KLF8: variants seen among roughly 807,000 people sequenced by gnomAD.
KLF8 encodes the protein KLF transcription factor 8.
KLF8 carries 10 observed loss-of-function variants against 18.2 expected under a neutral mutation model. The ratio of observed to expected loss-of-function variants is 0.55; its 90% CI spans 0.34 to 0.93. The LOEUF (loss-of-function observed/expected upper bound fraction) is 0.93. KLF8 is among the 40% of genes least tolerant of loss of function. KLF8 has a pLI of 0.02. For synonymous variants in KLF8, 109 were observed against 97.3 expected (o/e 1.12, Z -0.71); for missense variants, 264 against 277.9 (o/e 0.95, Z 0.36).
the KLF8 span, among the ~76,000 whole-genome samples, chrX:55,910,421 G>T: frequency 9.0e-6 from 1 of 111,259 alleles, no homozygotes; most frequent in Non-Finnish European, 1.9e-5. Context: ...TGGAATTGGG[G>T]TGATTTTAAA....
At chrX:56,218,854 G>C in the KLF8 span, among the ~76,000 whole-genome samples, 1 of 111,952 alleles carries the variant, frequency 8.9e-6, no homozygotes, top group Admixed American at 9.5e-5. Flanking sequence ...AATCCATTTG[G>C]TTTAGGGAAG....
chrX:55,966,946 G>T, the KLF8 span, among the ~76,000 whole-genome samples: 1,076 of 111,597 alleles, frequency 9.6e-3, 12 homozygotes, highest in African/African-American at 0.034. Flanking sequence ...AAACAATCAA[G>T]AAAAAAATTA....
At chrX:56,282,458 A>G (rs755225501) in intron 5 of KLF8, among the ~76,000 whole-genome samples, 4 of 112,253 alleles carry the variant, frequency 3.6e-5, no homozygotes, top group Non-Finnish European at 5.6e-5. Flanking sequence ...TTAATCTTTG[A>G]AATGTTTGCC....
At chrX:56,014,639 A>T in the KLF8 span, among the ~76,000 whole-genome samples, 1 of 111,241 alleles carries the variant, frequency 9.0e-6, no homozygotes, top group Admixed American at 9.6e-5. Flanking sequence ...ATATACCCAT[A>T]GGAATATAAA....
chrX:56,269,529 G>T (rs1602456576), intron 4 of KLF8, 40 bp downstream of exon 4: 1 of 288,573 alleles, frequency 3.5e-6, no homozygotes, highest in Non-Finnish European at 5.1e-6. Flanking sequence ...TTGTGTATGT[G>T]TGTGTGTGTG....
chrX:56,145,118 C>T, the KLF8 span, among the ~76,000 whole-genome samples: 1 of 111,251 alleles, frequency 9.0e-6, no homozygotes, highest in African/African-American at 3.3e-5. Context: ...CTTTTAAAAA[C>T]TCAACAAAAG....
chrX:55,919,147 C>T, the KLF8 span, among the ~76,000 whole-genome samples: 1 of 112,035 alleles, frequency 8.9e-6, no homozygotes, highest in African/African-American at 3.2e-5. Flanking sequence ...AGGGTGTGGT[C>T]CATCCTGGGG....
the KLF8 span, among the ~76,000 whole-genome samples, chrX:55,984,620 A>T: frequency 8.9e-6 from 1 of 111,733 alleles, no homozygotes; most frequent in Non-Finnish European, 1.9e-5. Flanking sequence ...AATGGTCTAT[A>T]TTCCTTTGGG....
the KLF8 span, among the ~76,000 whole-genome samples, chrX:55,939,875 C>T: frequency 9.0e-6 from 1 of 111,660 alleles, no homozygotes; most frequent in Admixed American, 9.5e-5. Context: ...GAAATTGAGG[C>T]AATAATTAAT....
the KLF8 span, among the ~76,000 whole-genome samples, chrX:56,072,076 T>C: frequency 5.4e-5 from 6 of 111,727 alleles, no homozygotes; most frequent in Non-Finnish European, 9.4e-5. Context: ...TTTGGACAGT[T>C]ACATTATTAC....
chrX:56,187,749 A>G, the KLF8 span, among the ~76,000 whole-genome samples: 1 of 111,666 alleles, frequency 9.0e-6, no homozygotes, highest in Non-Finnish European at 1.9e-5. Flanking sequence ...AATCCAGCAT[A>G]TAAACAGAAC....
chrX:56,201,611 A>T, the KLF8 span, among the ~76,000 whole-genome samples: 4 of 111,775 alleles, frequency 3.6e-5, no homozygotes, highest in Non-Finnish European at 7.5e-5. Flanking sequence ...AAGTGATCTC[A>T]CAAGAAAGAA....
At chrX:56,003,545 T>C in the KLF8 span, among the ~76,000 whole-genome samples, 1 of 111,928 alleles carries the variant, frequency 8.9e-6, no homozygotes, top group African/African-American at 3.2e-5. Flanking sequence ...GAGAATGAAC[T>C]TTCTCTGTTT....
rs1402321974 is a variant in KLF8, at chrX:56,289,603, T to C, written c.*5109T>C. Among the ~76,000 whole-genome samples the C allele has an allele frequency of 9.0e-6, 1 of 111,722 alleles. No homozygotes were observed. The highest frequency in any genetic ancestry group is 1.9e-5 in the Non-Finnish European group (1 of 53,149). The stretch of plus-strand genomic sequence containing the variant: ...TTTTCAACTCTAACCTGTTACCACG[T>C]GAATCATTCTAGCTTCTTCCTGTTA... On this transcript the variant is annotated 3_prime_UTR_variant, in exon 6 of 6. Transcript: ENST00000468660.
the KLF8 span, among the ~76,000 whole-genome samples, chrX:56,189,467 C>T: frequency 3.6e-5 from 4 of 111,188 alleles, no homozygotes; most frequent in African/African-American, 1.3e-4. Context: ...TGTGGCAATT[C>T]CTCAGGGATC....
the KLF8 span, among the ~76,000 whole-genome samples, chrX:55,977,795 A>C: frequency 3.6e-5 from 4 of 111,337 alleles, no homozygotes; most frequent in Non-Finnish European, 7.5e-5. Flanking sequence ...GTAGAGTTGA[A>C]ATTGTGGGAG....
the KLF8 span, among the ~76,000 whole-genome samples, chrX:56,031,519 C>T: frequency 1.8e-5 from 2 of 111,953 alleles, no homozygotes; most frequent in East Asian, 5.6e-4. Flanking sequence ...CTTTGGTCCT[C>T]CATGGGGGCT....
the KLF8 span, among the ~76,000 whole-genome samples, chrX:56,205,479 C>A: frequency 1.8e-5 from 2 of 111,809 alleles, no homozygotes; most frequent in African/African-American, 6.5e-5. Context: ...TTGATTTGCA[C>A]ACAATTCACC....
At chrX:56,104,950 G>T in the KLF8 span, among the ~76,000 whole-genome samples, 66 of 111,693 alleles carry the variant, frequency 5.9e-4, 1 homozygote, top group East Asian at 0.017. Context: ...ACATCTTTAT[G>T]TCTGCATTCA....
Sources: allele counts gnomAD v4.1 joint callset (sites outside exome capture counted in the v4.1 genomes callset), GRCh38; gene constraint gnomAD v4.1.1; transcripts MANE v1.5; gene names NCBI Gene and HGNC (gene_info 2026-07-23, HGNC 2026-07-21).